DDX60: variants seen among roughly 807,000 people sequenced by gnomAD.
DDX60 encodes DExD/H-box helicase 60.
Under a neutral mutation model 212.8 loss-of-function variants are expected in DDX60, and 165 were observed. The observed-to-expected ratio is 0.78, with a 90% CI of 0.68 to 0.88. The LOEUF is 0.88. DDX60 is among the 40% of genes least tolerant of loss of function. The probability of loss-of-function intolerance (pLI) is 0.00; values close to 1 mark genes in which losing one functional copy is unlikely to be tolerated. For synonymous variants in DDX60, 703 were observed against 685.3 expected, an observed-to-expected ratio of 1.03 and a Z score of -0.40; for missense variants, 1,905 against 2,003.9, an observed-to-expected ratio of 0.95 and a Z score of 0.94.
intron 3 of DDX60, among the ~76,000 whole-genome samples, chr4:168,310,353 G>A (rs1253888019): frequency 2.6e-5 from 4 of 152,102 alleles, no homozygotes; most frequent in African/African-American, 9.7e-5. Flanking sequence ...AAGTCTGGGG[G>A]GATGGCACCA....
rs1735295209 is a variant in DDX60 at position 168,275,493 on chromosome 4, T to C, written c.2156A>G (p.Asn719Ser). 6 of 1,602,220 alleles carry C rather than the reference T, an allele frequency of 3.7e-6. No individual in the cohort carries two copies. The highest frequency in any genetic ancestry group is 2.7e-5 in the African/African-American group (2 of 74,676). ...SSLHPAQDAE[N>S]DVKVKKRNKY... The stretch of plus-strand genomic sequence containing the variant: ...ATTCCTTTTCTTCACTTTTACATCA[T>C]TTTCTGCATCCTGCATTATTTTAAA... The change falls in exon 16 of 38, where the codon AAT becomes AGT. Residue 719 changes from asparagine (N) to serine (S), a missense_variant. By Grantham distance (46) the Asn-to-Ser change is conservative (BLOSUM62 1). Coordinates refer to ENST00000393743, the MANE Select transcript of DDX60 (RefSeq NM_017631.6).
chr4:168,269,357 G>A (rs368836006), intron 19 of DDX60, among the ~76,000 whole-genome samples: 1 of 152,182 alleles, frequency 6.6e-6, no homozygotes, highest in African/African-American at 2.4e-5. Context: ...CCAGCACTTT[G>A]GGAGGCCGAG....
chr4:168,318,309 C>T (rs1318119881), intron 1 of DDX60, among the ~76,000 whole-genome samples: 1 of 152,210 alleles, frequency 6.6e-6, no homozygotes, highest in African/African-American at 2.4e-5. Flanking sequence ...TTAATTTCTC[C>T]TCAACCTCCA....
At chr4:168,259,115 T>G (rs570140942) in intron 25 of DDX60, among the ~76,000 whole-genome samples, 1 of 152,340 alleles carries the variant, frequency 6.6e-6, no homozygotes, top group South Asian at 2.1e-4. Context: ...CTGCACCATA[T>G]AAAACATACT....
At chr4:168,274,537 A>G (rs1454728501) in intron 16 of DDX60, among the ~76,000 whole-genome samples, 2 of 152,224 alleles carry the variant, frequency 1.3e-5, no homozygotes, top group Non-Finnish European at 2.9e-5. Flanking sequence ...GACTAGCCGA[A>G]GAATGATAAT....
At chr4:168,252,404 T>G (rs1468167443) in intron 27 of DDX60, 105 bp downstream of exon 27, 13 of 1,328,938 alleles carry the variant, frequency 9.8e-6, no homozygotes, top group Non-Finnish European at 1.4e-5. Flanking sequence ...TTGTATTAAT[T>G]ATGTATTATA....
intron 8 of DDX60, 48 bp downstream of exon 8, chr4:168,291,700 C>A (rs370242243): frequency 2.0e-4 from 286 of 1,460,516 alleles, no homozygotes; most frequent in Admixed American, 4.4e-4. Context: ...TAGTTTCTAT[C>A]AAACATTCAA....
intron 5 of DDX60, among the ~76,000 whole-genome samples, chr4:168,305,485 G>A (rs918912635): frequency 2.0e-5 from 3 of 151,530 alleles, no homozygotes; most frequent in African/African-American, 4.8e-5. Flanking sequence ...GAAACTGGAT[G>A]TATTTATAAT....
In DDX60 at chr4:168,285,455, CGTT is replaced by C; in HGVS notation, c.1380_1382del (p.Thr461del). ...CAAATTTATCAACCACAAAAGATGA[CGTT>C]GGAATAAAACCCAAATTGGGCACCA... On this transcript the variant is annotated inframe_deletion, in exon 11 of 38. Transcript: ENST00000393743. 1 of 1,610,058 alleles carries C rather than the reference CGTT, an allele frequency of 6.2e-7. No homozygotes were observed. The highest frequency in any genetic ancestry group is 8.5e-7 in the Non-Finnish European group (1 of 1,178,876).
At chr4:168,288,071 T>C in intron 9 of DDX60, 103 bp downstream of exon 9, 1 of 695,432 alleles carries the variant, frequency 1.4e-6, no homozygotes, top group Non-Finnish European at 2.3e-6. Flanking sequence ...AAATAATTGC[T>C]ATGTTATATG....
chr4:168,283,656 C>T (rs2149528077), intron 12 of DDX60, 50 bp from the exon 13 acceptor site: 1 of 1,357,356 alleles, frequency 7.4e-7, no homozygotes, highest in African/African-American at 1.5e-5. Context: ...TTTTCAATAG[C>T]ATTCTCATCA....
chr4:168,293,074 T>A (rs2149536535), intron 7 of DDX60, among the ~76,000 whole-genome samples: 2 of 152,300 alleles, frequency 1.3e-5, no homozygotes, highest in African/African-American at 4.8e-5. Context: ...CAGAATAGTA[T>A]GTATACACAT....
chr4:168,264,492 A>C (rs1043771413), intron 22 of DDX60, among the ~76,000 whole-genome samples: 3 of 152,156 alleles, frequency 2.0e-5, no homozygotes, highest in Admixed American at 6.5e-5. Flanking sequence ...AAAAACATAC[A>C]ATAAATCCAA....
chr4:168,325,813 A>G, the DDX60 span, among the ~76,000 whole-genome samples: 2 of 152,226 alleles, frequency 1.3e-5, no homozygotes, highest in African/African-American at 2.4e-5. Flanking sequence ...AGTGGTTGGC[A>G]TTTCTTAAAT....
intron 7 of DDX60, among the ~76,000 whole-genome samples, chr4:168,293,582 A>G (rs1298931225): frequency 6.6e-6 from 1 of 152,226 alleles, no homozygotes. Flanking sequence ...ATACTAAGTG[A>G]AACATGCACA....
At chr4:168,284,215 C>T (rs1241385305) in intron 12 of DDX60, among the ~76,000 whole-genome samples, 1 of 152,152 alleles carries the variant, frequency 6.6e-6, no homozygotes, top group East Asian at 1.9e-4. Flanking sequence ...AAGTATCCCC[C>T]CACACCTTGG....
chr4:168,237,337 T>C lies in DDX60; in HGVS notation c.4360A>G (p.Ser1454Gly), dbSNP rs781581408. Residue 1454 changes from serine (S) to glycine (G), a missense_variant, in exon 32 of 38, where the codon AGT becomes GGT. Ser to Gly is a moderately conservative substitution (Grantham distance 56). Transcript: ENST00000393743. The stretch of plus-strand genomic sequence containing the variant: ...TGGAAGAGTCCATTTACAAGAAAAC[T>C]GACAAAAACAAGATTAGAAGGTTCA... Reference protein sequence around the residue: ...YHEPSNLVFVSFLVNGLFHDL... With the variant: ...YHEPSNLVFVGFLVNGLFHDL... The C allele has an allele frequency of 1.3e-6, 2 of 1,593,090 alleles. No homozygotes were observed. The highest frequency in any genetic ancestry group is 2.3e-5 in the South Asian group (2 of 86,698).
rs1260612541 is a variant in DDX60 at position 168,260,910 on chromosome 4, A to G, written c.3353T>C (p.Val1118Ala). The change falls in exon 25 of 38, where the codon GTT (valine) becomes GCT (alanine). Residue 1118 changes from valine to alanine, a missense_variant. Coordinates refer to ENST00000393743, the MANE Select transcript of DDX60 (RefSeq NM_017631.6). ...CTTCTCCATTTTCCTTAGTTTTTCAACTAGAAGTGGAAACATGGTGATCAT... is the reference window on the plus strand; with the variant it reads ...CTTCTCCATTTTCCTTAGTTTTTCAGCTAGAAGTGGAAACATGGTGATCAT... Reference protein sequence around the residue: ...ENMITMFPLLVEKLRKMEKLP... With the variant: ...ENMITMFPLLAEKLRKMEKLP... 2.5e-6 allele frequency: 4 copies of G among 1,610,666 alleles called. No homozygotes were observed. The highest frequency in any genetic ancestry group is 3.4e-5 in the Admixed American group (2 of 59,692).
At chr4:168,323,951 G>A in the DDX60 span, among the ~76,000 whole-genome samples, 5 of 152,206 alleles carry the variant, frequency 3.3e-5, no homozygotes, top group Non-Finnish European at 5.9e-5. Context: ...AGCACATATC[G>A]TGGTGGTGAT....
Sources: gnomAD v4.1 joint callset for allele counts (sites outside exome capture counted in the v4.1 genomes callset) on GRCh38, gnomAD v4.1.1 for gene constraint, MANE v1.5 for transcripts, NCBI Gene and HGNC (gene_info 2026-07-23, HGNC 2026-07-21) for gene names.